Variants in CNTNAP2 observed in about 807,000 individuals in gnomAD.
The protein encoded by CNTNAP2 is contactin-associated protein-like 2.
A neutral mutation model predicts 155.2 loss-of-function variants in CNTNAP2; 98 were observed. The ratio of observed to expected loss-of-function variants is 0.63; its 90% confidence interval spans 0.54 to 0.75. The LOEUF (loss-of-function observed/expected upper bound fraction) is 0.75, where lower values mean the gene tolerates loss of function less well. Ranked by LOEUF, CNTNAP2 falls within the 30% of genes least tolerant of loss-of-function variation. The pLI is 0.00. For missense variants in CNTNAP2, 1,727 were observed against 1,688.1 expected, an observed-to-expected ratio of 1.02 and a Z score of -0.40; for synonymous variants, 651 against 631.2, an observed-to-expected ratio of 1.03 and a Z score of -0.47.
At chr7:146,629,934 A>G (rs946611836) in intron 1 of CNTNAP2, among the ~76,000 whole-genome samples, 1 of 152,156 alleles carries the variant, frequency 6.6e-6, no homozygotes, top group Non-Finnish European at 1.5e-5. Context: ...TACACTGGAT[A>G]GTTAAGAAAT....
chr7:148,357,258 G>T (rs1196576129), intron 21 of CNTNAP2, among the ~76,000 whole-genome samples: 1 of 152,116 alleles, frequency 6.6e-6, no homozygotes, highest in Non-Finnish European at 1.5e-5. Context: ...GAGCTCTCTT[G>T]CCTGCCACCA....
chr7:146,529,564 A>T (rs1797738401), intron 1 of CNTNAP2, among the ~76,000 whole-genome samples: 1 of 152,156 alleles, frequency 6.6e-6, no homozygotes, highest in Admixed American at 6.5e-5. Context: ...TGCATACATG[A>T]GGCATGCCAT....
At chr7:146,752,655 G>T (rs1458893651) in intron 1 of CNTNAP2, among the ~76,000 whole-genome samples, 1 of 152,116 alleles carries the variant, frequency 6.6e-6, no homozygotes, top group Non-Finnish European at 1.5e-5. Context: ...GGCTTTTGTT[G>T]CCATTGCTTT....
chr7:147,292,004 A>C (rs983894913), intron 8 of CNTNAP2, among the ~76,000 whole-genome samples: 1 of 152,164 alleles, frequency 6.6e-6, no homozygotes, highest in Non-Finnish European at 1.5e-5. Flanking sequence ...TTTAAGATAC[A>C]TGCACTGAAA....
chr7:147,904,936 A>G (rs1799934287), intron 14 of CNTNAP2, among the ~76,000 whole-genome samples: 1 of 146,508 alleles, frequency 6.8e-6, no homozygotes, highest in Admixed American at 6.8e-5. Context: ...CACACTGTAT[A>G]CAAAGATTGG....
chr7:147,964,762 T>C (rs1801176992), intron 14 of CNTNAP2, among the ~76,000 whole-genome samples: 2 of 152,202 alleles, frequency 1.3e-5, no homozygotes, highest in South Asian at 2.1e-4. Flanking sequence ...TCTGTGTAAG[T>C]TGGACTGAAT....
chr7:146,257,900 T>C (rs1799863325), intron 1 of CNTNAP2, among the ~76,000 whole-genome samples: 1 of 152,024 alleles, frequency 6.6e-6, no homozygotes, highest in Admixed American at 6.5e-5. Context: ...TTTTTTTTTT[T>C]TGGAGACGTG....
chr7:147,352,719 A>G (rs1795987453), intron 9 of CNTNAP2, among the ~76,000 whole-genome samples: 1 of 151,896 alleles, frequency 6.6e-6, no homozygotes, highest in Admixed American at 6.6e-5. Flanking sequence ...TGGCTGCTCT[A>G]TTGCCTGTTA....
At chr7:147,200,798 A>G (rs1387061901) in intron 8 of CNTNAP2, among the ~76,000 whole-genome samples, 2 of 152,218 alleles carry the variant, frequency 1.3e-5, no homozygotes, top group African/African-American at 4.8e-5. Context: ...GGCATTCTAT[A>G]AAGCCTACCC....
At chr7:147,835,232 G>A (rs1294330493) in intron 13 of CNTNAP2, among the ~76,000 whole-genome samples, 1 of 152,180 alleles carries the variant, frequency 6.6e-6, no homozygotes, top group African/African-American at 2.4e-5. Flanking sequence ...TTTAAAGAAG[G>A]AGGACCAGAG....
intron 13 of CNTNAP2, among the ~76,000 whole-genome samples, chr7:147,813,426 G>A (rs1047820779): frequency 2.5e-4 from 38 of 152,200 alleles, no homozygotes; most frequent in Admixed American, 2.4e-3. Context: ...ATGTAGTGGA[G>A]AGGAAACTAA....
At chr7:147,069,948 T>G (rs1799857242) in intron 4 of CNTNAP2, among the ~76,000 whole-genome samples, 1 of 152,194 alleles carries the variant, frequency 6.6e-6, no homozygotes, top group Admixed American at 6.5e-5. Flanking sequence ...GCTGCAGTAT[T>G]AGACAACACA....
intron 21 of CNTNAP2, among the ~76,000 whole-genome samples, chr7:148,268,862 C>A (rs1796723502): frequency 1.3e-5 from 2 of 151,582 alleles, no homozygotes; most frequent in Non-Finnish European, 2.9e-5. Flanking sequence ...AGTGGCAGAA[C>A]CAAAATTTGA....
At chr7:146,403,087 A>G (rs1245212305) in intron 1 of CNTNAP2, among the ~76,000 whole-genome samples, 1 of 152,128 alleles carries the variant, frequency 6.6e-6, no homozygotes, top group Non-Finnish European at 1.5e-5. Context: ...TTGATACTCA[A>G]ACTTGTCATA....
chr7:146,776,194 T>C (rs1802387076), intron 2 of CNTNAP2, among the ~76,000 whole-genome samples: 1 of 152,066 alleles, frequency 6.6e-6, no homozygotes. Context: ...AGAAATACCA[T>C]ATAATTCTAG....
chr7:146,588,238 A>C (rs1278636040), intron 1 of CNTNAP2, among the ~76,000 whole-genome samples: 1 of 152,062 alleles, frequency 6.6e-6, no homozygotes, highest in Non-Finnish European at 1.5e-5. Context: ...AATTTTCTTC[A>C]ACTTTAAAGT....
intron 8 of CNTNAP2, among the ~76,000 whole-genome samples, chr7:147,214,238 TTC>T (rs2116578377): frequency 6.6e-6 from 1 of 152,310 alleles, no homozygotes; most frequent in Non-Finnish European, 1.5e-5. Context: ...TGCAATTTTT[TTC>T]TTTTATAACT....
chr7:146,881,755 A>T (rs934225537), intron 3 of CNTNAP2, among the ~76,000 whole-genome samples: 11 of 123,684 alleles, frequency 8.9e-5, no homozygotes, highest in East Asian at 2.3e-4. Context: ...GATCCCTATA[A>T]TTTTTTTTTT....
At chr7:146,934,275 G>A (rs1320467292) in intron 3 of CNTNAP2, among the ~76,000 whole-genome samples, 1 of 152,006 alleles carries the variant, frequency 6.6e-6, no homozygotes, top group Non-Finnish European at 1.5e-5. Flanking sequence ...GAAATGATGA[G>A]TTCATGTCCT....
Sources: allele counts gnomAD v4.1 joint callset (sites outside exome capture counted in the v4.1 genomes callset), GRCh38; gene constraint gnomAD v4.1.1; transcripts MANE v1.5; gene names NCBI Gene and HGNC (gene_info 2026-07-23, HGNC 2026-07-21).